The following MAGI1 variants were observed in gnomAD, a reference collection of about 807,000 sequenced individuals.
MAGI1 encodes membrane-associated guanylate kinase, WW and PDZ domain-containing protein 1.
Under a neutral mutation model 139.9 loss-of-function variants are expected in MAGI1, and 58 were observed. The observed-to-expected ratio is 0.41, with a 90% CI of 0.34 to 0.52. The LOEUF is 0.52. MAGI1 is among the 20% of genes least tolerant of loss of function. The probability of loss-of-function intolerance (pLI) is 0.12; values close to 1 mark genes in which losing one functional copy is unlikely to be tolerated. For synonymous variants in MAGI1, 812 were observed against 737.9 expected (o/e 1.10, Z -1.63); for missense variants, 1,874 against 1,901.6 (o/e 0.99, Z 0.27).
chr3:65,470,979 A>C (rs2107583688), intron 4 of MAGI1, among the ~76,000 whole-genome samples: 1 of 152,314 alleles, frequency 6.6e-6, no homozygotes, highest in African/African-American at 2.4e-5. Flanking sequence ...TATTTGTATA[A>C]ATATTTTTGG....
At chr3:65,473,637 T>C (rs1159984072) in intron 4 of MAGI1, among the ~76,000 whole-genome samples, 1 of 45,858 alleles carries the variant, frequency 2.2e-5, no homozygotes, top group Non-Finnish European at 4.2e-5. Context: ...TCTACATGTT[T>C]ACAAAAAAAA....
intron 1 of MAGI1, among the ~76,000 whole-genome samples, chr3:65,897,696 A>G (rs982355293): frequency 3.2e-4 from 48 of 152,100 alleles, no homozygotes; most frequent in African/African-American, 1.1e-3. Context: ...CTGTCTCCAC[A>G]AAATTTTTTT....
chr3:65,682,989 A>C (rs953469878), intron 1 of MAGI1, among the ~76,000 whole-genome samples: 2 of 152,090 alleles, frequency 1.3e-5, no homozygotes, highest in African/African-American at 4.8e-5. Context: ...ATTCTCATAA[A>C]GAGTGCACAT....
intron 13 of MAGI1, among the ~76,000 whole-genome samples, chr3:65,394,191 G>C (rs543983939): frequency 2.6e-5 from 4 of 152,116 alleles, no homozygotes; most frequent in Non-Finnish European, 5.9e-5. Flanking sequence ...CAGAAATAGA[G>C]AGTGCAAATG....
intron 1 of MAGI1, among the ~76,000 whole-genome samples, chr3:65,700,270 G>A (rs1473408740): frequency 2.0e-5 from 3 of 151,844 alleles, no homozygotes; most frequent in Non-Finnish European, 4.4e-5. Flanking sequence ...AGTGAAATCC[G>A]GCCTCTACTA....
chr3:65,964,669 T>A (rs970640530), intron 1 of MAGI1, among the ~76,000 whole-genome samples: 4 of 152,190 alleles, frequency 2.6e-5, no homozygotes, highest in Non-Finnish European at 4.4e-5. Flanking sequence ...CTCTCCAAAC[T>A]TCAGGTTGTT....
intron 1 of MAGI1, among the ~76,000 whole-genome samples, chr3:65,713,755 G>A (rs2031831680): frequency 6.6e-6 from 1 of 152,130 alleles, no homozygotes; most frequent in Admixed American, 6.5e-5. Flanking sequence ...AGGTAGTTTT[G>A]TCAAACACTG....
intron 2 of MAGI1, among the ~76,000 whole-genome samples, chr3:65,557,412 T>C (rs187908499): frequency 2.0e-5 from 3 of 152,296 alleles, no homozygotes; most frequent in African/African-American, 7.2e-5. Context: ...TGCTTTCAGA[T>C]GACTGTATCC....
chr3:65,959,792 TTC>T (rs1287657837), intron 1 of MAGI1, among the ~76,000 whole-genome samples: 22 of 126,408 alleles, frequency 1.7e-4, no homozygotes, highest in Non-Finnish European at 2.3e-4. Context: ...AATAAATAAA[TTC>T]TCTCTTTTTT....
chr3:65,992,274 A>C (rs1369691503), intron 1 of MAGI1, among the ~76,000 whole-genome samples: 1 of 152,210 alleles, frequency 6.6e-6, no homozygotes, highest in East Asian at 1.9e-4. Flanking sequence ...AATAACCCAC[A>C]CAGTTGCACA....
intron 1 of MAGI1, among the ~76,000 whole-genome samples, chr3:65,663,015 A>C (rs908811635): frequency 6.6e-6 from 1 of 152,126 alleles, no homozygotes; most frequent in African/African-American, 2.4e-5. Context: ...AGCCAAGAAG[A>C]CCCTGTTTCA....
intron 3 of MAGI1, among the ~76,000 whole-genome samples, chr3:65,484,204 C>T (rs1951472065): frequency 6.6e-6 from 1 of 152,130 alleles, no homozygotes; most frequent in African/African-American, 2.4e-5. Context: ...GTAGCAAAGC[C>T]ATTTGGGACA....
intron 1 of MAGI1, among the ~76,000 whole-genome samples, chr3:66,007,105 T>C (rs1484627182): frequency 6.6e-6 from 1 of 151,808 alleles, no homozygotes; most frequent in Non-Finnish European, 1.5e-5. Flanking sequence ...CCTCCCAAAG[T>C]GCTGAGATTA....
At chr3:65,423,261 C>A (rs547633663) in intron 12 of MAGI1, among the ~76,000 whole-genome samples, 1 of 152,248 alleles carries the variant, frequency 6.6e-6, no homozygotes, top group Admixed American at 6.5e-5. Flanking sequence ...TGGTCCAAGA[C>A]CAGAGGGCAA....
At chr3:65,776,628 T>C (rs2038456847) in intron 1 of MAGI1, among the ~76,000 whole-genome samples, 1 of 152,130 alleles carries the variant, frequency 6.6e-6, no homozygotes, top group African/African-American at 2.4e-5. Flanking sequence ...ACCACTACAA[T>C]AATTAATGCC....
chr3:65,459,264 G>T (rs554448849), intron 5 of MAGI1, among the ~76,000 whole-genome samples: 41 of 152,196 alleles, frequency 2.7e-4, no homozygotes, highest in African/African-American at 9.4e-4. Flanking sequence ...TTTGACTCAG[G>T]ATATATTTGG....
chr3:66,013,629 C>T (rs1234425459), intron 1 of MAGI1, among the ~76,000 whole-genome samples: 1 of 151,076 alleles, frequency 6.6e-6, no homozygotes, highest in African/African-American at 2.4e-5. Context: ...GTCGTGGTGG[C>T]GGGCACCTGT....
intron 1 of MAGI1, among the ~76,000 whole-genome samples, chr3:65,681,846 T>C (rs889782371): frequency 3.3e-5 from 5 of 152,178 alleles, no homozygotes; most frequent in African/African-American, 1.2e-4. Context: ...ATAAGAGTTT[T>C]GGCTTTTTTT....
intron 1 of MAGI1, among the ~76,000 whole-genome samples, chr3:65,893,050 TTAAG>T (rs1364854664): frequency 1.3e-5 from 2 of 152,148 alleles, no homozygotes; most frequent in Admixed American, 1.3e-4. Flanking sequence ...ACGATAAAAA[TTAAG>T]TAACAATCCA....
Sources: allele counts gnomAD v4.1 joint callset (sites outside exome capture counted in the v4.1 genomes callset), GRCh38; gene constraint gnomAD v4.1.1; transcripts MANE v1.5; gene names NCBI Gene and HGNC (gene_info 2026-07-23, HGNC 2026-07-21).